LPP: variants seen among roughly 807,000 people sequenced by gnomAD.
The protein encoded by LPP is LIM domain containing preferred translocation partner in lipoma.
Under a neutral mutation model 60.4 loss-of-function variants are expected in LPP, and 38 were observed. That is an observed-to-expected ratio of 0.63 (90% CI 0.49 to 0.83). The LOEUF (loss-of-function observed/expected upper bound fraction) is 0.83, where lower values mean the gene tolerates loss of function less well. Ranked by LOEUF, LPP falls within the 40% of genes least tolerant of loss-of-function variation. The probability of loss-of-function intolerance (pLI) is 0.00; values close to 1 mark genes in which losing one functional copy is unlikely to be tolerated. For missense variants in LPP, 902 were observed against 783.6 expected (o/e 1.15, Z -1.80); for synonymous variants, 328 against 290.8 (o/e 1.13, Z -1.30).
intron 1 of LPP, among the ~76,000 whole-genome samples, chr3:188,204,498 G>A (rs536519024): frequency 6.6e-6 from 1 of 152,222 alleles, no homozygotes; most frequent in Non-Finnish European, 1.5e-5. Flanking sequence ...GTAACTTTTT[G>A]CAGTGCTTCA....
At chr3:188,447,730 C>G (rs993517021) in intron 4 of LPP, among the ~76,000 whole-genome samples, 1 of 150,794 alleles carries the variant, frequency 6.6e-6, no homozygotes, top group Non-Finnish European at 1.5e-5. Context: ...GAGCCGAGAT[C>G]GCGCCATTGC....
intron 9 of LPP, among the ~76,000 whole-genome samples, chr3:188,823,559 GTTTTACTAAGGCT>G (rs1378446071): frequency 2.4e-4 from 36 of 152,222 alleles, no homozygotes; most frequent in African/African-American, 8.4e-4. Context: ...AAAATGTTTC[GTTTTACTAAGGCT>G]TTTTTGCATT....
chr3:188,747,297 C>T (rs1013573205), intron 8 of LPP, among the ~76,000 whole-genome samples: 1 of 152,154 alleles, frequency 6.6e-6, no homozygotes, highest in Non-Finnish European at 1.5e-5. Flanking sequence ...TATTATAAAG[C>T]ATTGCCATGC....
At chr3:188,218,253 T>A (rs1714403805) in intron 1 of LPP, among the ~76,000 whole-genome samples, 1 of 152,248 alleles carries the variant, frequency 6.6e-6, no homozygotes. Flanking sequence ...CCTTTGGCAG[T>A]TCCCTGTAAT....
At chr3:188,649,989 G>T in intron 7 of LPP, among the ~76,000 whole-genome samples, 1 of 152,202 alleles carries the variant, frequency 6.6e-6, no homozygotes, top group African/African-American at 2.4e-5. Flanking sequence ...TACAGCTAAA[G>T]CTATCTATCT....
At chr3:188,531,113 T>TA (rs896460836) in intron 6 of LPP, among the ~76,000 whole-genome samples, 16 of 152,186 alleles carry the variant, frequency 1.1e-4, no homozygotes, top group Non-Finnish European at 2.2e-4. Context: ...TAAACTGTCT[T>TA]ACGTTAATAT....
At chr3:188,213,961 AACACACACACACACACACAC>A (rs59389556) in intron 1 of LPP, among the ~76,000 whole-genome samples, 1 of 130,324 alleles carries the variant, frequency 7.7e-6, no homozygotes, top group African/African-American at 2.8e-5. Context: ...TTAGATTTTA[AACACACACACACACACACAC>A]ACACACACAC....
chr3:188,772,960 T>C (rs6794066), intron 9 of LPP, among the ~76,000 whole-genome samples: 7,864 of 152,156 alleles, frequency 0.052, 607 homozygotes, highest in African/African-American at 0.17. Context: ...TGAGAGACTA[T>C]GAACAGAGTC....
chr3:188,285,519 A>G (rs1399461167), intron 2 of LPP, among the ~76,000 whole-genome samples: 1 of 152,050 alleles, frequency 6.6e-6, no homozygotes, highest in Non-Finnish European at 1.5e-5. Flanking sequence ...CCTGGGCTCA[A>G]TCCTGAGTAG....
At chr3:188,242,582 C>A (rs529236627) in intron 2 of LPP, among the ~76,000 whole-genome samples, 14 of 152,238 alleles carry the variant, frequency 9.2e-5, no homozygotes, top group African/African-American at 3.4e-4. Flanking sequence ...TTACCCTCAC[C>A]ACTTACAGTC....
chr3:188,384,787 C>T (rs1304624096), intron 3 of LPP, among the ~76,000 whole-genome samples: 1 of 39,830 alleles, frequency 2.5e-5, no homozygotes, highest in Non-Finnish European at 4.5e-5. Context: ...GAGACTCTGT[C>T]TCAAAAAAAA....
rs1370206438 is a variant in LPP at position 188,879,668 on chromosome 3, T to G, written c.*5189T>G. 1 of 182,676 alleles carries G rather than the reference T, an allele frequency of 5.5e-6. No individual in the cohort carries two copies. The highest frequency in any genetic ancestry group is 6.3e-5 in the Admixed American group (1 of 15,976). 11.3% of individuals were successfully genotyped at this position (182,676 alleles called of 1,614,324 possible). A position where few individuals can be genotyped will look rare whatever the true frequency, so the allele number is the denominator to read the frequency against. ...TCTGAAGCAATGTAACCCCAAAAAA[T>G]TATAATTTTAATGATGGCATTTTAT... is the stretch of plus-strand genomic sequence containing the variant. On this transcript the variant is annotated 3_prime_UTR_variant, in exon 12 of 12. Transcript: ENST00000617246.
chr3:188,388,299 C>T (rs984384350), intron 3 of LPP, among the ~76,000 whole-genome samples: 6 of 152,134 alleles, frequency 3.9e-5, no homozygotes, highest in South Asian at 2.1e-4. Flanking sequence ...CCCTACATTT[C>T]GTGCAATCAC....
At chr3:188,623,629 A>T (rs1846233936) in intron 7 of LPP, among the ~76,000 whole-genome samples, 1 of 152,184 alleles carries the variant, frequency 6.6e-6, no homozygotes, top group African/African-American at 2.4e-5. Context: ...TTTGCTGAAG[A>T]CTGCATGCCT....
chr3:188,252,355 C>T (rs1359180967), intron 2 of LPP, among the ~76,000 whole-genome samples: 2 of 98,108 alleles, frequency 2.0e-5, no homozygotes, highest in South Asian at 3.4e-4. Flanking sequence ...CCCCTTCTTC[C>T]GTTTTTTTTT....
chr3:188,281,075 C>T lies in LPP; in HGVS notation c.-67+55548C>T, dbSNP rs564949868. 5.7e-4 allele frequency among the ~76,000 whole-genome samples: 87 copies of T among 151,964 alleles called. No homozygotes were observed. In the South Asian group the frequency reaches 0.012, roughly 21 times the overall value. ...TCAGCCTCCCAAGTAGCTGAGATTACAGGCGACAAAGGAATTTTTGAAGAC... is the reference window on the plus strand; with the variant it reads ...TCAGCCTCCCAAGTAGCTGAGATTATAGGCGACAAAGGAATTTTTGAAGAC... On this transcript the variant is annotated intron_variant, in intron 2 of 11. Transcript: ENST00000617246.
intron 6 of LPP, among the ~76,000 whole-genome samples, chr3:188,570,606 T>C (rs1399534302): frequency 2.0e-5 from 3 of 152,018 alleles, no homozygotes; most frequent in African/African-American, 7.2e-5. Flanking sequence ...AGCACATATA[T>C]CTGAAATGGC....
intron 4 of LPP, among the ~76,000 whole-genome samples, chr3:188,407,184 A>T (rs903270037): frequency 7.0e-6 from 1 of 142,198 alleles, no homozygotes; most frequent in East Asian, 2.0e-4. Context: ...TCCCACCATT[A>T]AAAAAATTAT....
At chr3:188,717,342 G>C (rs1255990317) in intron 8 of LPP, among the ~76,000 whole-genome samples, 1 of 152,232 alleles carries the variant, frequency 6.6e-6, no homozygotes, top group African/African-American at 2.4e-5. Context: ...TCTCAACTGA[G>C]AGGTGTAAAG....
Sources: gnomAD v4.1 joint callset for allele counts (sites outside exome capture counted in the v4.1 genomes callset) on GRCh38, gnomAD v4.1.1 for gene constraint, MANE v1.5 for transcripts, NCBI Gene and HGNC (gene_info 2026-07-23, HGNC 2026-07-21) for gene names.